Variants in EEF1AKMT1 observed in about 807,000 individuals in gnomAD.
EEF1AKMT1 encodes N-6 adenine-specific DNA methyltransferase 2 (putative).
Under a neutral mutation model 21.0 loss-of-function variants are expected in EEF1AKMT1, and 18 were observed. The ratio of observed to expected loss-of-function variants is 0.86; its 90% CI spans 0.59 to 1.27. EEF1AKMT1 has a LOEUF of 1.27. EEF1AKMT1 is among the 50% of genes most tolerant of loss of function. The pLI is 0.00. For synonymous variants in EEF1AKMT1, 109 were observed against 94.8 expected (o/e 1.15, Z -0.87); for missense variants, 246 against 258.6 (o/e 0.95, Z 0.33).
intron 2 of EEF1AKMT1, among the ~76,000 whole-genome samples, chr13:20,740,212 G>A (rs566470219): frequency 2.4e-4 from 37 of 152,358 alleles, no homozygotes; most frequent in South Asian, 8.3e-4. Context: ...GGTGCCAGCC[G>A]GCTGCTCCGA....
chr13:20,737,400 T>C (rs533526891), intron 3 of EEF1AKMT1, among the ~76,000 whole-genome samples: 1 of 152,130 alleles, frequency 6.6e-6, no homozygotes, highest in South Asian at 2.1e-4. Context: ...TATATACATA[T>C]CAAATTAACA....
rs1335844688 is a variant in EEF1AKMT1 at position 20,729,072 on chromosome 13, G to A, written c.*8C>T. 9 of 1,614,084 alleles carry A rather than the reference G, an allele frequency of 5.6e-6. No individual in the cohort carries two copies. Among genetic ancestry groups the A allele is most frequent in the South Asian group, 1.1e-5 (1 of 91,076 alleles). On this transcript the variant is annotated 3_prime_UTR_variant, in exon 5 of 5. Coordinates refer to ENST00000382758, the MANE Select transcript of EEF1AKMT1 (RefSeq NM_001318939.2). The stretch of plus-strand genomic sequence containing the variant: ...GGGTTCCTTCCTGTGTTATGTCACC[G>A]TCTGTAATCAGATCCCACAGTCCAG...
At chr13:20,732,556 C>T (rs1354915555) in intron 3 of EEF1AKMT1, among the ~76,000 whole-genome samples, 3 of 152,206 alleles carry the variant, frequency 2.0e-5, no homozygotes, top group Non-Finnish European at 4.4e-5. Flanking sequence ...TGGTCTTGAA[C>T]TCCTGACCTC....
At chr13:20,763,284 C>T (rs1373329148) in intron 1 of EEF1AKMT1, among the ~76,000 whole-genome samples, 1 of 152,050 alleles carries the variant, frequency 6.6e-6, no homozygotes, top group Non-Finnish European at 1.5e-5. Flanking sequence ...TGACACACCA[C>T]CCCCCTCCCA....
chr13:20,769,821 C>T (rs1471924825), intron 1 of EEF1AKMT1, among the ~76,000 whole-genome samples: 1 of 151,930 alleles, frequency 6.6e-6, no homozygotes, highest in Non-Finnish European at 1.5e-5. Context: ...GAAACCATCC[C>T]TGAGAAAGAC....
intron 4 of EEF1AKMT1, among the ~76,000 whole-genome samples, chr13:20,731,120 A>G (rs2058792444): frequency 6.6e-6 from 1 of 152,218 alleles, no homozygotes; most frequent in Non-Finnish European, 1.5e-5. Flanking sequence ...AAGAAACTGC[A>G]GACACACCAC....
chr13:20,759,581 A>G (rs2058988960), intron 1 of EEF1AKMT1, among the ~76,000 whole-genome samples: 1 of 150,956 alleles, frequency 6.6e-6, no homozygotes, highest in African/African-American at 2.4e-5. Flanking sequence ...CTCCGTCTCA[A>G]AAACAAAAAA....
intron 1 of EEF1AKMT1, among the ~76,000 whole-genome samples, chr13:20,766,123 C>A (rs950451201): frequency 2.8e-4 from 42 of 151,390 alleles, no homozygotes; most frequent in Non-Finnish European, 4.9e-4. Context: ...CATGGTGAAA[C>A]CCCATCTCTA....
At chr13:20,757,840 A>G (rs985700869) in intron 1 of EEF1AKMT1, among the ~76,000 whole-genome samples, 1 of 152,204 alleles carries the variant, frequency 6.6e-6, no homozygotes, top group Non-Finnish European at 1.5e-5. Context: ...GACATGTCTC[A>G]TTATACTCTC....
At chr13:20,742,513 C>A (rs1051184542) in intron 2 of EEF1AKMT1, among the ~76,000 whole-genome samples, 12 of 152,230 alleles carry the variant, frequency 7.9e-5, no homozygotes, top group African/African-American at 2.9e-4. Flanking sequence ...TCTGTAATCA[C>A]ATCTGAGTAC....
chr13:20,759,637 A>G (rs2058989612), intron 1 of EEF1AKMT1, among the ~76,000 whole-genome samples: 1 of 49,728 alleles, frequency 2.0e-5, no homozygotes, highest in African/African-American at 5.3e-5. Flanking sequence ...AATTAAATCA[A>G]CAAGAAAAAA....
chr13:20,767,708 A>C (rs573688679), intron 1 of EEF1AKMT1, among the ~76,000 whole-genome samples: 3 of 151,608 alleles, frequency 2.0e-5, no homozygotes, highest in East Asian at 1.9e-4. Context: ...ATTTGGAAAA[A>C]CTCTGACCAT....
In EEF1AKMT1 at chr13:20,749,858, C is replaced by A. The variant is rs182927501; in HGVS notation, c.144+7597G>T. Among the ~76,000 whole-genome samples, 143 of 152,220 alleles carry A rather than the reference C, an allele frequency of 9.4e-4. 2 individuals are homozygous for A. Among genetic ancestry groups the A allele is most frequent in the Non-Finnish European group, 7.9e-4 (54 of 68,014 alleles). Reference sequence around the variant, plus strand: ...ATAGTCCGAAGACTTTGTAGGAGACCGTTTTTCTTCTGGAAGGCTCTAGGA... The same window carrying A: ...ATAGTCCGAAGACTTTGTAGGAGACAGTTTTTCTTCTGGAAGGCTCTAGGA... On this transcript the variant is annotated intron_variant, in intron 2 of 4. Coordinates refer to ENST00000382758, the MANE Select transcript of EEF1AKMT1 (RefSeq NM_001318939.2).
intron 2 of EEF1AKMT1, among the ~76,000 whole-genome samples, chr13:20,740,746 T>A (rs1474186372): frequency 6.6e-6 from 1 of 152,166 alleles, no homozygotes; most frequent in Non-Finnish European, 1.5e-5. Context: ...GAGGTTGCAG[T>A]AAGCCAAGAT....
At chr13:20,747,883 C>T in intron 2 of EEF1AKMT1, 1 of 174,948 alleles carries the variant, frequency 5.7e-6, no homozygotes, top group Admixed American at 5.7e-5. Flanking sequence ...GTATCCCATA[C>T]AATGAATGGG....
At chr13:20,750,172 C>G (rs1401053132) in intron 2 of EEF1AKMT1, among the ~76,000 whole-genome samples, 1 of 152,180 alleles carries the variant, frequency 6.6e-6, no homozygotes, top group African/African-American at 2.4e-5. Context: ...GGGTATCCAT[C>G]ACCTTGAGTA....
At chr13:20,738,712 C>T (rs2058843493) in intron 2 of EEF1AKMT1, among the ~76,000 whole-genome samples, 2 of 152,146 alleles carry the variant, frequency 1.3e-5, no homozygotes, top group South Asian at 4.1e-4. Flanking sequence ...TTACACTGAA[C>T]GAAAGAAATC....
At chr13:20,732,577 C>G (rs1372309785) in intron 3 of EEF1AKMT1, among the ~76,000 whole-genome samples, 1 of 152,162 alleles carries the variant, frequency 6.6e-6, no homozygotes, top group Non-Finnish European at 1.5e-5. Context: ...AGGTGATCAG[C>G]CTGCCTCGGC....
intron 4 of EEF1AKMT1, among the ~76,000 whole-genome samples, chr13:20,731,176 T>TA (rs35190880): frequency 0.37 from 56,162 of 152,162 alleles, 12,492 homozygotes; most frequent in Non-Finnish European, 0.5. Context: ...CACACCTGGC[T>TA]AATGTTTAAA....
Sources: allele counts gnomAD v4.1 joint callset (sites outside exome capture counted in the v4.1 genomes callset), GRCh38; gene constraint gnomAD v4.1.1; transcripts MANE v1.5; gene names NCBI Gene and HGNC (gene_info 2026-07-23, HGNC 2026-07-21).